The following THADA variants were observed in gnomAD, a reference collection of about 807,000 sequenced individuals.
THADA encodes THADA armadillo repeat containing.
A neutral mutation model predicts 219.8 loss-of-function variants in THADA; 213 were observed. The ratio of observed to expected loss-of-function variants is 0.97; its 90% CI spans 0.87 to 1.09. The LOEUF (loss-of-function observed/expected upper bound fraction) is 1.09, where lower values mean the gene tolerates loss of function less well. THADA is among the 50% of genes least tolerant of loss of function. The probability of loss-of-function intolerance (pLI) is 0.00; values close to 1 mark genes in which losing one functional copy is unlikely to be tolerated. For missense variants in THADA, 2,956 were observed against 2,311.3 expected, an observed-to-expected ratio of 1.28 and a Z score of -5.72; for synonymous variants, 1,018 against 828.9, an observed-to-expected ratio of 1.23 and a Z score of -3.92.
chr2:43,536,723 A>T (rs766005397), intron 21 of THADA, among the ~76,000 whole-genome samples: 2 of 152,182 alleles, frequency 1.3e-5, no homozygotes, highest in African/African-American at 4.8e-5. Flanking sequence ...TAAAAAAAAT[A>T]TAAATATATT....
intron 1 of THADA, 137 bp downstream of exon 1, chr2:43,595,794 C>G (rs772482214): frequency 2.6e-5 from 4 of 152,278 alleles, no homozygotes; most frequent in Admixed American, 2.0e-4. Context: ...CCTTAGCGAC[C>G]GGAAATCAGT....
intron 16 of THADA, among the ~76,000 whole-genome samples, chr2:43,556,889 G>A (rs1697422912): frequency 6.6e-6 from 1 of 152,068 alleles, no homozygotes; most frequent in Non-Finnish European, 1.5e-5. Context: ...AACACGGTGA[G>A]ACAAAAAACT....
chr2:43,356,067 G>T (rs528754936), intron 29 of THADA, among the ~76,000 whole-genome samples: 1 of 152,210 alleles, frequency 6.6e-6, no homozygotes, highest in Non-Finnish European at 1.5e-5. Flanking sequence ...GACAGAAAAC[G>T]GTTAAGGGCT....
At chr2:43,330,085 G>C (rs1376849049) in intron 30 of THADA, among the ~76,000 whole-genome samples, 1 of 152,206 alleles carries the variant, frequency 6.6e-6, no homozygotes, top group Non-Finnish European at 1.5e-5. Flanking sequence ...GCAGAGGCCA[G>C]ACCACTGACT....
rs1044274044 is a variant in THADA at position 43,592,340 on chromosome 2, T to C, written c.53A>G (p.His18Arg). Residue 18 changes from histidine to arginine, a missense_variant, in exon 2 of 38, where the codon CAT becomes CGT. Physicochemically the swap from His to Arg is conservative, Grantham distance 29. Coordinates refer to ENST00000405975, the MANE Select transcript of THADA (RefSeq NM_022065.5). The stretch of plus-strand genomic sequence containing the variant: ...ACATTTCAAAGTTTCAAGGTCCTGA[T>C]GGCAAATGGTCAGCGCAGCAACTTG... Reference protein sequence around the residue: ...EMQVAALTICHQDLETLKSFA... With the variant: ...EMQVAALTICRQDLETLKSFA... 2 of 1,608,304 alleles carry C rather than the reference T, an allele frequency of 1.2e-6. No individual in the cohort carries two copies. The highest frequency in any genetic ancestry group is 1.7e-6 in the Non-Finnish European group (2 of 1,177,416).
intron 26 of THADA, among the ~76,000 whole-genome samples, chr2:43,462,163 G>T (rs1353803655): frequency 6.6e-6 from 1 of 152,094 alleles, no homozygotes; most frequent in African/African-American, 2.4e-5. Context: ...AACATTTTAA[G>T]ATACTAGATT....
intron 16 of THADA, 105 bp from the exon 17 acceptor site, chr2:43,556,660 C>A: frequency 9.2e-7 from 1 of 1,081,832 alleles, no homozygotes; most frequent in Middle Eastern, 2.5e-4. Flanking sequence ...ACAGTGGGCT[C>A]GAGCCTAGAG....
intron 29 of THADA, among the ~76,000 whole-genome samples, chr2:43,361,165 G>C (rs1019651185): frequency 6.6e-6 from 1 of 152,164 alleles, no homozygotes; most frequent in African/African-American, 2.4e-5. Context: ...AATGTCAATT[G>C]TGCTGAGGGT....
At chr2:43,238,159 A>AAAGAAGG (rs1391953042) in intron 36 of THADA, among the ~76,000 whole-genome samples, 6 of 144,928 alleles carry the variant, frequency 4.1e-5, no homozygotes, top group Non-Finnish European at 7.6e-5. Context: ...AAAAGGAAGG[A>AAAGAAGG]AAGAAGGAAG....
At chr2:43,296,937 TTGCAGCCTC>T (rs1389943233) in intron 31 of THADA, among the ~76,000 whole-genome samples, 1 of 148,242 alleles carries the variant, frequency 6.7e-6, no homozygotes, top group Non-Finnish European at 1.5e-5. Context: ...AGTGCCGAGA[TTGCAGCCTC>T]TGCCCGGCCG....
intron 36 of THADA, among the ~76,000 whole-genome samples, chr2:43,278,229 G>T (rs1261212293): frequency 1.3e-5 from 2 of 152,026 alleles, no homozygotes; most frequent in African/African-American, 4.8e-5. Context: ...GAGATTACAG[G>T]CGTGAGATTA....
At chr2:43,279,717 C>T (rs778022777) in intron 36 of THADA, 48 bp downstream of exon 36, 12 of 1,522,824 alleles carry the variant, frequency 7.9e-6, no homozygotes, top group Middle Eastern at 1.7e-4. Flanking sequence ...GTGTTCCAAC[C>T]TCTATCCTGC....
At chr2:43,497,827 G>A (rs1688465121) in intron 25 of THADA, among the ~76,000 whole-genome samples, 1 of 152,094 alleles carries the variant, frequency 6.6e-6, no homozygotes, top group South Asian at 2.1e-4. Context: ...AGAGGTTGCA[G>A]TGAGCTGAGA....
At chr2:43,268,470 T>C (rs912128710) in intron 36 of THADA, among the ~76,000 whole-genome samples, 2 of 152,230 alleles carry the variant, frequency 1.3e-5, no homozygotes, top group Non-Finnish European at 2.9e-5. Flanking sequence ...TCTGCTCTTC[T>C]GCCCATGAGA....
chr2:43,299,973 A>G (rs1262451004), intron 31 of THADA, among the ~76,000 whole-genome samples: 2 of 148,532 alleles, frequency 1.3e-5, no homozygotes, highest in Admixed American at 6.7e-5. Flanking sequence ...GGTAGCAGTG[A>G]GCCGAGATTG....
chr2:43,337,407 T>C (rs904347302), intron 30 of THADA, among the ~76,000 whole-genome samples: 1 of 152,212 alleles, frequency 6.6e-6, no homozygotes, highest in African/African-American at 2.4e-5. Context: ...GATTTTTTTA[T>C]ATTAAGGCAG....
At chr2:43,438,286 A>G (rs1294920827) in intron 26 of THADA, among the ~76,000 whole-genome samples, 1 of 131,396 alleles carries the variant, frequency 7.6e-6, no homozygotes, top group Non-Finnish European at 1.6e-5. Flanking sequence ...TGGGAGACAG[A>G]GCGACTCCAT....
At chr2:43,292,721 T>G in intron 32 of THADA, 113 bp downstream of exon 32, 3 of 1,334,044 alleles carry the variant, frequency 2.2e-6, no homozygotes, top group Non-Finnish European at 3.1e-6. Context: ...ATCTACTTCC[T>G]ATTGCCCCTG....
At chr2:43,513,359 A>C (rs2105113817) in intron 22 of THADA, among the ~76,000 whole-genome samples, 1 of 152,336 alleles carries the variant, frequency 6.6e-6, no homozygotes, top group Admixed American at 6.5e-5. Flanking sequence ...TCCAAAAGCA[A>C]GATAATCATC....
Sources: allele counts gnomAD v4.1 joint callset (sites outside exome capture counted in the v4.1 genomes callset), GRCh38; gene constraint gnomAD v4.1.1; transcripts MANE v1.5; gene names NCBI Gene and HGNC (gene_info 2026-07-23, HGNC 2026-07-21).